EFHB: variants seen among roughly 807,000 people sequenced by gnomAD.
EFHB encodes the protein EF-hand domain-containing family member B.
A neutral mutation model predicts 87.2 loss-of-function variants in EFHB; 91 were observed. The ratio of observed to expected loss-of-function variants is 1.04; its 90% CI spans 0.88 to 1.24. EFHB has a LOEUF of 1.24. Among genes scored for constraint, EFHB ranks in the 50% most tolerant of loss-of-function variants. The probability of loss-of-function intolerance (pLI) is 0.00; values close to 1 mark genes in which losing one functional copy is unlikely to be tolerated. For synonymous variants in EFHB, 325 were observed against 333.6 expected, an observed-to-expected ratio of 0.97 and a Z score of 0.28; for missense variants, 1,084 against 998.8, an observed-to-expected ratio of 1.09 and a Z score of -1.15.
rs949721163 is a variant in EFHB at position 19,889,131 on chromosome 3, G to C, written c.1726-480C>G. ...CACTAAGATTCATCCTGGTAAGTAGGGGGAGGAGGGTGGAGGGAAAAAGTC... is the reference window on the plus strand; with the variant it reads ...CACTAAGATTCATCCTGGTAAGTAGCGGGAGGAGGGTGGAGGGAAAAAGTC... On this transcript the variant is annotated intron_variant, in intron 9 of 12. Transcript: ENST00000295824. Among the ~76,000 whole-genome samples, 23 of 152,226 alleles carry C rather than the reference G, an allele frequency of 1.5e-4. No individual in the cohort carries two copies. In the East Asian group the frequency reaches 2.7e-3, roughly 18 times the overall value.
At chr3:19,946,361 G>A (rs1418741004) in intron 1 of EFHB, 1 of 152,268 alleles carries the variant, frequency 6.6e-6, no homozygotes, top group East Asian at 1.9e-4. Flanking sequence ...TTCGAATGTA[G>A]GGAACAGACG....
intron 5 of EFHB, among the ~76,000 whole-genome samples, chr3:19,914,959 G>T (rs182833903): frequency 2.0e-5 from 3 of 151,970 alleles, no homozygotes; most frequent in Admixed American, 6.6e-5. Flanking sequence ...AGGCGTGGTG[G>T]TGCACACCTG....
At chr3:19,898,964 G>A in intron 7 of EFHB, 119 bp from the exon 8 acceptor site, 1 of 950,202 alleles carries the variant, frequency 1.1e-6, no homozygotes, top group Non-Finnish European at 1.6e-6. Context: ...AAACTATGAA[G>A]ATCAAACAAA....
At position 19,899,510 on chromosome 3, in the gene EFHB, CT is replaced by C; in HGVS notation, c.1423del (p.Arg475GlufsTer25). The C allele has an allele frequency of 6.3e-7, 1 of 1,596,782 alleles. No individual in the cohort carries two copies. ...TCTTTTGGATACAAACTTAGCTCCT[CT>C]TTTCCTGCAAAATTAGAACATTATC... Reference protein sequence around the residue: ...LYWLHELQMKRGAKFVSKRAD... With the variant: ...LYWLHELQMKXGAKFVSKRAD... On this transcript the variant is annotated frameshift_variant, in exon 7 of 13. Coordinates refer to ENST00000295824, the MANE Select transcript of EFHB (RefSeq NM_144715.4). LOFTEE classifies it high-confidence loss of function.
At position 19,896,832 on chromosome 3, in the gene EFHB, T is replaced by A; in HGVS notation, c.1580A>T (p.Asp527Val). The A allele has an allele frequency of 6.2e-7, 1 of 1,612,196 alleles. No individual in the cohort carries two copies. Among genetic ancestry groups the A allele is most frequent in the Non-Finnish European group, 8.5e-7 (1 of 1,178,554 alleles). The change falls in exon 9 of 13, where the codon GAT becomes GTT. Residue 527 changes from aspartate (D) to valine (V), a missense_variant. By Grantham distance (152) the Asp-to-Val change is radical. Coordinates refer to ENST00000295824, the MANE Select transcript of EFHB (RefSeq NM_144715.4). ...CLRPEEYGVG[D>V]LIHNRLPDEY... is the part of the protein sequence containing the mutation. ...ATCCGGAAGTCTATTATGGATGAGA[T>A]CACCAACTCCTATTGAAGAGAGAAA...
intron 6 of EFHB, among the ~76,000 whole-genome samples, chr3:19,903,116 G>A (rs1694727926): frequency 6.6e-6 from 1 of 151,860 alleles, no homozygotes; most frequent in Non-Finnish European, 1.5e-5. Context: ...GGCAAAGGTT[G>A]CAGTGAGCCG....
chr3:19,890,921 A>G (rs1694284851), intron 9 of EFHB, among the ~76,000 whole-genome samples: 1 of 152,178 alleles, frequency 6.6e-6, no homozygotes, highest in African/African-American at 2.4e-5. Flanking sequence ...GAGGCCGGCC[A>G]ACTTGGACTA....
chr3:19,880,701 G>C (rs1407829013), intron 12 of EFHB, among the ~76,000 whole-genome samples: 1 of 152,246 alleles, frequency 6.6e-6, no homozygotes, highest in Non-Finnish European at 1.5e-5. Flanking sequence ...GCAACCTTTG[G>C]TTACAAATAA....
At chr3:19,940,738 C>T (rs1696137979) in intron 1 of EFHB, 1 of 337,802 alleles carries the variant, frequency 3.0e-6, no homozygotes, top group Non-Finnish European at 5.9e-6. Context: ...ATGCCATTGG[C>T]ATCAATATCA....
chr3:19,908,112 C>T (rs1694900164), intron 5 of EFHB, among the ~76,000 whole-genome samples: 3 of 151,948 alleles, frequency 2.0e-5, no homozygotes. Context: ...AATGTAGATA[C>T]TGACATGAAA....
intron 1 of EFHB, among the ~76,000 whole-genome samples, chr3:19,926,861 T>C (rs539087638): frequency 1.3e-5 from 2 of 151,126 alleles, no homozygotes; most frequent in South Asian, 2.1e-4. Flanking sequence ...GGTTTCTCTA[T>C]GTTGGTCAGG....
chr3:19,889,822 C>G (rs916979394), intron 9 of EFHB, among the ~76,000 whole-genome samples: 15 of 152,188 alleles, frequency 9.9e-5, no homozygotes, highest in African/African-American at 3.4e-4. Flanking sequence ...AATCCCGTCT[C>G]TACTGAAAAT....
At chr3:19,945,767 T>G (rs1050281080) in intron 1 of EFHB, 2 of 152,226 alleles carry the variant, frequency 1.3e-5, no homozygotes, top group Non-Finnish European at 2.9e-5. Flanking sequence ...TACGTTCTTC[T>G]GGCAACTAGG....
intron 5 of EFHB, among the ~76,000 whole-genome samples, chr3:19,911,450 G>C (rs944471212): frequency 6.6e-6 from 1 of 151,772 alleles, no homozygotes; most frequent in East Asian, 1.9e-4. Context: ...CCCTGCTACT[G>C]AGGAGGCTGA....
intron 5 of EFHB, among the ~76,000 whole-genome samples, chr3:19,906,422 C>T (rs930807835): frequency 4.0e-5 from 6 of 151,852 alleles, no homozygotes; most frequent in Non-Finnish European, 8.8e-5. Context: ...AAAATAACAA[C>T]CTAGACAAAA....
rs537735649 is a variant in EFHB at position 19,904,761 on chromosome 3, G to T, written c.1418+859C>A. On this transcript the variant is annotated intron_variant, in intron 6 of 12. Coordinates refer to ENST00000295824, the MANE Select transcript of EFHB (RefSeq NM_144715.4). ...TACAAAGACCCTTTTTCCACACAAA[G>T]TAACATTCATAGGTTCTGGCCATCA... 2.2e-4 allele frequency among the ~76,000 whole-genome samples: 33 copies of T among 152,190 alleles called. 1 individual carries two copies. The highest frequency in any genetic ancestry group is 3.4e-4 in the Non-Finnish European group (23 of 68,016).
intron 9 of EFHB, among the ~76,000 whole-genome samples, chr3:19,895,740 C>T (rs1694459267): frequency 6.6e-6 from 1 of 152,066 alleles, no homozygotes; most frequent in Non-Finnish European, 1.5e-5. Context: ...TCATCAGATA[C>T]TTAGATGAAG....
intron 1 of EFHB, among the ~76,000 whole-genome samples, chr3:19,931,151 A>G (rs1394376986): frequency 1.3e-5 from 2 of 152,090 alleles, no homozygotes; most frequent in Non-Finnish European, 2.9e-5. Context: ...TGATGGAGTG[A>G]GACTCTGTCT....
At position 19,905,729 on chromosome 3, in the gene EFHB, A is replaced by G. The variant is rs756976123; in HGVS notation, c.1309T>C (p.Tyr437His). ...YYAGEAKNRKYNPSSFHRCSV... is the reference protein window; with the variant it reads ...YYAGEAKNRKHNPSSFHRCSV... The stretch of plus-strand genomic sequence containing the variant: ...CACCTATGGAAACTTGATGGGTTAT[A>G]CTTTCGGTTCTTTGCCTCTCCTGTG... The change falls in exon 6 of 13, where the codon TAT (tyrosine) becomes CAT (histidine). Residue 437 changes from tyrosine to histidine, a missense_variant. Physicochemically the swap from Tyr to His is moderately conservative, Grantham distance 83. Coordinates refer to ENST00000295824, the MANE Select transcript of EFHB (RefSeq NM_144715.4). 8 of 1,611,038 alleles carry G rather than the reference A, an allele frequency of 5.0e-6. No individual in the cohort carries two copies. In the South Asian group the frequency reaches 8.8e-5, roughly 18 times the overall value.
Sources: allele counts gnomAD v4.1 joint callset (sites outside exome capture counted in the v4.1 genomes callset), GRCh38; gene constraint gnomAD v4.1.1; transcripts MANE v1.5; gene names NCBI Gene and HGNC (gene_info 2026-07-23, HGNC 2026-07-21).